The following NNT variants were observed in gnomAD, a reference collection of about 807,000 sequenced individuals.
NNT encodes nicotinamide nucleotide transhydrogenase, also known as NAD(P) transhydrogenase, mitochondrial.
NNT carries 50 observed loss-of-function variants against 104.8 expected under a neutral mutation model. The observed-to-expected ratio is 0.48, with a 90% CI of 0.38 to 0.60. NNT has a LOEUF of 0.60. Among genes scored for constraint, NNT ranks in the 20% least tolerant of loss-of-function variants. The pLI is 0.00. For missense variants in NNT, 1,131 were observed against 1,330.7 expected, an observed-to-expected ratio of 0.85 and a Z score of 2.33; for synonymous variants, 461 against 490.4, an observed-to-expected ratio of 0.94 and a Z score of 0.79.
chr5:43,675,453 A>G, intron 17 of NNT, 58 bp from the exon 18 acceptor site: 1 of 1,457,270 alleles, frequency 6.9e-7, no homozygotes, highest in Non-Finnish European at 9.4e-7. Context: ...CAACATTTGT[A>G]CTATTCTCAC....
chr5:43,696,928 C>T (rs893126120), intron 19 of NNT, among the ~76,000 whole-genome samples: 1 of 152,196 alleles, frequency 6.6e-6, no homozygotes, highest in Non-Finnish European at 1.5e-5. Context: ...TCCTAAACTT[C>T]TGGGCCTATA....
intron 19 of NNT, among the ~76,000 whole-genome samples, chr5:43,694,930 G>A: frequency 6.6e-6 from 1 of 152,080 alleles, no homozygotes; most frequent in African/African-American, 2.4e-5. Context: ...AATTCATCAG[G>A]TCCTGGGCTT....
At chr5:43,614,032 C>A (rs1034252113) in intron 3 of NNT, among the ~76,000 whole-genome samples, 1 of 152,166 alleles carries the variant, frequency 6.6e-6, no homozygotes, top group Non-Finnish European at 1.5e-5. Context: ...AACTGTAACT[C>A]AGCTAAAGCT....
intron 17 of NNT, among the ~76,000 whole-genome samples, chr5:43,661,950 T>C (rs1227043291): frequency 2.0e-5 from 3 of 152,098 alleles, no homozygotes; most frequent in African/African-American, 7.2e-5. Context: ...CTGGGTCAAA[T>C]GGTATTTCTA....
intron 17 of NNT, among the ~76,000 whole-genome samples, chr5:43,673,803 G>T (rs1741262449): frequency 6.6e-6 from 1 of 152,162 alleles, no homozygotes; most frequent in Non-Finnish European, 1.5e-5. Context: ...CAGATCACTT[G>T]TGGTCAGGAG....
intron 18 of NNT, 123 bp downstream of exon 18, chr5:43,675,793 T>C: frequency 4.2e-6 from 3 of 710,704 alleles, no homozygotes; most frequent in East Asian, 3.0e-5. Context: ...ATGGAAACAA[T>C]AGCAAATCTA....
Position 43,704,633 on chromosome 5 carries a change from G to A in NNT, c.*229G>A, listed in dbSNP as rs1016993800. ...AAATGTCTTTCTGTGCATATTTTTT[G>A]TGTTAGGAATCAAAAGTATTTTATA... is the stretch of plus-strand genomic sequence containing the variant. On this transcript the variant is annotated 3_prime_UTR_variant, in exon 22 of 22. Coordinates refer to ENST00000344920, the MANE Select transcript of NNT (RefSeq NM_182977.3). 2.8e-5 allele frequency: 12 copies of A among 421,144 alleles called. No individual in the cohort carries two copies. Among genetic ancestry groups the A allele is most frequent in the African/African-American group, 2.3e-4 (11 of 47,522 alleles). The allele number at this position is 421,144 out of a possible 1,614,324, so 26.1% of individuals were successfully genotyped here.
intron 16 of NNT, among the ~76,000 whole-genome samples, chr5:43,657,898 G>A (rs1015076432): frequency 6.6e-6 from 1 of 152,182 alleles, no homozygotes; most frequent in African/African-American, 2.4e-5. Context: ...ACTTTGGGAG[G>A]CCGAGGTGGG....
In NNT at chr5:43,656,572, T is replaced by C. The variant is rs904942292; in HGVS notation, c.2294-81T>C. Reference sequence around the variant, plus strand: ...CTCATAATCCTTGGTTAGAGATGACTGTGTAGAATTCACAGAAATGAACTT... The same window carrying C: ...CTCATAATCCTTGGTTAGAGATGACCGTGTAGAATTCACAGAAATGAACTT... On this transcript the variant is annotated intron_variant, in intron 15 of 21. Coordinates refer to ENST00000344920, the MANE Select transcript of NNT (RefSeq NM_182977.3). 3 of 1,286,416 alleles carry C rather than the reference T, an allele frequency of 2.3e-6. No homozygotes were observed. In the African/African-American group the frequency reaches 4.5e-5, roughly 19 times the overall value. The allele number at this position is 1,286,416 out of a possible 1,614,324, so 79.7% of individuals were successfully genotyped here.
chr5:43,622,362 G>A (rs779671452), intron 5 of NNT, among the ~76,000 whole-genome samples: 5 of 152,328 alleles, frequency 3.3e-5, no homozygotes, highest in Non-Finnish European at 5.9e-5. Flanking sequence ...GAGTGAACAC[G>A]AGCATTGTTC....
At chr5:43,668,244 GT>G (rs57590117) in intron 17 of NNT, among the ~76,000 whole-genome samples, 100,107 of 138,204 alleles carry the variant, frequency 0.72, 36,068 homozygotes, top group Middle Eastern at 0.76. Context: ...TCTGATGGTG[GT>G]TTTTTTTTTT....
Position 43,656,663 on chromosome 5 carries a change from A to G in NNT, c.2304A>G (p.Lys768=). The G allele has an allele frequency of 6.2e-7, 1 of 1,611,058 alleles. No homozygotes were observed. The highest frequency in any genetic ancestry group is 1.1e-5 in the South Asian group (1 of 90,344). ...IAYGKLQGLL[K]SAPLLLPGRH... ...TGTGCTTGGCTCTAGGTCTCCTGAA[A>G]TCTGCCCCTCTCCTACTGCCTGGAA... The change falls in exon 16 of 22, where the codon AAA becomes AAG. Residue 768 remains lysine (K), a synonymous_variant. Coordinates refer to ENST00000344920, the MANE Select transcript of NNT (RefSeq NM_182977.3).
intron 19 of NNT, among the ~76,000 whole-genome samples, chr5:43,692,496 G>C (rs71629192): frequency 0.073 from 11,051 of 152,060 alleles, 559 homozygotes; most frequent in East Asian, 0.2. Flanking sequence ...GCTAATTTTT[G>C]TATTTTTAGT....
intron 7 of NNT, among the ~76,000 whole-genome samples, chr5:43,641,582 AT>A (rs1466128147): frequency 6.6e-6 from 1 of 152,128 alleles, no homozygotes; most frequent in African/African-American, 2.4e-5. Flanking sequence ...ATATTAATCT[AT>A]GTATATATAA....
chr5:43,676,954 G>A (rs1021416087), intron 18 of NNT, among the ~76,000 whole-genome samples: 1 of 152,080 alleles, frequency 6.6e-6, no homozygotes, highest in Non-Finnish European at 1.5e-5. Flanking sequence ...AGAAAAGTGG[G>A]GACAGATGTG....
intron 7 of NNT, among the ~76,000 whole-genome samples, chr5:43,638,745 T>C (rs1366065205): frequency 6.6e-6 from 1 of 151,900 alleles, no homozygotes; most frequent in Non-Finnish European, 1.5e-5. Context: ...TTACATGCTG[T>C]TGAGTAATTC....
intron 17 of NNT, among the ~76,000 whole-genome samples, chr5:43,671,301 T>A (rs1402414676): frequency 6.6e-6 from 1 of 152,206 alleles, no homozygotes; most frequent in Non-Finnish European, 1.5e-5. Context: ...TTAATATTGT[T>A]ATGTGTGAAT....
intron 19 of NNT, among the ~76,000 whole-genome samples, chr5:43,690,148 A>G (rs1742191425): frequency 1.3e-5 from 2 of 152,312 alleles, no homozygotes; most frequent in East Asian, 3.9e-4. Flanking sequence ...ACACATCCAA[A>G]TAACACCTAG....
intron 19 of NNT, among the ~76,000 whole-genome samples, chr5:43,682,208 CTTTTTTTTTTTT>C (rs71610326): frequency 2.0e-5 from 2 of 100,258 alleles, no homozygotes; most frequent in Non-Finnish European, 4.0e-5. Context: ...TAACTGGATT[CTTTTTTTTTTTT>C]TTTTTTTTTT....
Sources: allele counts gnomAD v4.1 joint callset (sites outside exome capture counted in the v4.1 genomes callset), GRCh38; gene constraint gnomAD v4.1.1; transcripts MANE v1.5; gene names NCBI Gene and HGNC (gene_info 2026-07-23, HGNC 2026-07-21).